CACNB4: variants seen among roughly 807,000 people sequenced by gnomAD.
The protein encoded by CACNB4 is calcium voltage-gated channel auxiliary subunit beta 4.
CACNB4 carries 32 observed loss-of-function variants against 71.2 expected under a neutral mutation model. The observed-to-expected ratio is 0.45, with a 90% CI of 0.34 to 0.60. The LOEUF is 0.60. CACNB4 is among the 20% of genes least tolerant of loss of function. The pLI is 0.01. For missense variants in CACNB4, 464 were observed against 647.9 expected (o/e 0.72, Z 3.08); for synonymous variants, 231 against 236.9 (o/e 0.97, Z 0.23).
chr2:152,064,555 ATTT>A (rs749723738), intron 2 of CACNB4, among the ~76,000 whole-genome samples: 3 of 151,764 alleles, frequency 2.0e-5, no homozygotes, highest in African/African-American at 7.3e-5. Flanking sequence ...TAATTTTTGT[ATTT>A]TTTTAGTAGA....
rs560319138 is a variant in CACNB4 at position 152,015,164 on chromosome 2, G to A, written c.147+83166C>T. 1.4e-4 allele frequency among the ~76,000 whole-genome samples: 21 copies of A among 151,576 alleles called. 1 individual carries two copies. Among genetic ancestry groups the A allele is most frequent in the Middle Eastern group, 6.8e-3 (2 of 294 alleles). ...TTTTTTTTTTTTGAGATGGAGTCTC[G>A]CTCTGTTGCCCAGGCTGGAGTGCAG... On this transcript the variant is annotated intron_variant, in intron 2 of 13. Coordinates refer to ENST00000539935, the MANE Select transcript of CACNB4 (RefSeq NM_000726.5).
chr2:151,964,059 C>T (rs1457968533), intron 2 of CACNB4, among the ~76,000 whole-genome samples: 1 of 110,806 alleles, frequency 9.0e-6, no homozygotes, highest in Non-Finnish European at 1.7e-5. Flanking sequence ...GAGCAAGACT[C>T]TGTCTCACAG....
intron 2 of CACNB4, chr2:151,972,167 G>T (rs1263684421): frequency 6.6e-6 from 1 of 152,460 alleles, no homozygotes; most frequent in South Asian, 2.1e-4. Flanking sequence ...CAAGGAGCTG[G>T]ATTTATTAGT....
intron 2 of CACNB4, among the ~76,000 whole-genome samples, chr2:151,921,347 C>T (rs903250021): frequency 5.9e-5 from 9 of 151,546 alleles, no homozygotes; most frequent in East Asian, 1.9e-4. Context: ...ACAACATGAA[C>T]GACAGCAGAT....
rs1273928298 is a variant in CACNB4, at chr2:151,836,519, A to T, written c.*2600T>A. On this transcript the variant is annotated 3_prime_UTR_variant, in exon 14 of 14. Transcript: ENST00000539935. ...CTTATTACAGAAAGAAGGGGAAAGA[A>T]TATTCCAAATTAAAGTAAACATTTA... The T allele has an allele frequency of 6.6e-6, 1 of 151,928 alleles. No individual in the cohort carries two copies. Among genetic ancestry groups the T allele is most frequent in the Non-Finnish European group, 1.5e-5 (1 of 67,800 alleles). 9.4% of individuals were successfully genotyped at this position (151,928 alleles called of 1,614,324 possible).
chr2:151,880,993 G>T (rs927648711), intron 3 of CACNB4, 71 bp from the exon 4 acceptor site: 2 of 1,427,420 alleles, frequency 1.4e-6, no homozygotes, highest in Non-Finnish European at 1.9e-6. Flanking sequence ...TTGAAACTCT[G>T]ATAGTACCAG....
At chr2:151,855,129 G>A (rs2099839950) in intron 11 of CACNB4, 95 bp downstream of exon 11, 1 of 723,880 alleles carries the variant, frequency 1.4e-6, no homozygotes, top group Non-Finnish European at 2.2e-6. Flanking sequence ...TAATCAGCAA[G>A]ACGTTCTCCT....
chr2:152,033,553 G>A (rs1684401632), intron 2 of CACNB4, among the ~76,000 whole-genome samples: 1 of 152,160 alleles, frequency 6.6e-6, no homozygotes, highest in Non-Finnish European at 1.5e-5. Context: ...GATTCACTGT[G>A]ATCTGGGTAA....
At chr2:151,972,660 T>C (rs1466754152) in intron 2 of CACNB4, 1 of 152,190 alleles carries the variant, frequency 6.6e-6, no homozygotes, top group Admixed American at 6.5e-5. Context: ...TCATTAGACA[T>C]ATACGTCTGC....
chr2:152,055,676 C>G (rs1305581170), intron 2 of CACNB4, among the ~76,000 whole-genome samples: 3 of 152,182 alleles, frequency 2.0e-5, no homozygotes, highest in Non-Finnish European at 4.4e-5. Context: ...GCTTCTGGAG[C>G]CTTTCAGAAT....
chr2:151,964,119 G>A (rs1205855120), intron 2 of CACNB4, among the ~76,000 whole-genome samples: 4 of 149,308 alleles, frequency 2.7e-5, no homozygotes, highest in Admixed American at 2.7e-4. Context: ...TTAACTGTAG[G>A]ACTGAAAAAT....
At chr2:151,880,635 C>G in intron 4 of CACNB4, 165 bp downstream of exon 4, 1 of 677,458 alleles carries the variant, frequency 1.5e-6, no homozygotes, top group Non-Finnish European at 2.5e-6. Context: ...TGATCTCAGA[C>G]TTCTCAATCT....
intron 2 of CACNB4, among the ~76,000 whole-genome samples, chr2:151,923,940 C>T (rs1479490484): frequency 1.3e-5 from 2 of 152,116 alleles, no homozygotes; most frequent in African/African-American, 4.8e-5. Context: ...AGTAATTCTC[C>T]ATGAGTTTCC....
chr2:152,099,003 G>A lies in CACNB4; in HGVS notation c.9C>T (p.Ser3=), dbSNP rs1424797818. ...CGGTCCCGTTCTTGGCGTAGGAGGA[G>A]GAGGACATCGTTCAGAGCCGCCGCA... is the stretch of plus-strand genomic sequence containing the variant. MS[S]SSYAKNGTAD... is the part of the protein sequence containing the mutation. The change falls in exon 1 of 14, where the codon TCC becomes TCT. Residue 3 remains serine (S), a synonymous_variant. Coordinates refer to ENST00000539935, the MANE Select transcript of CACNB4 (RefSeq NM_000726.5). The A allele has an allele frequency of 2.6e-6, 4 of 1,535,154 alleles. No individual in the cohort carries two copies. Among genetic ancestry groups the A allele is most frequent in the Middle Eastern group, 2.0e-4 (1 of 4,912 alleles).
intron 11 of CACNB4, 61 bp from the exon 12 acceptor site, chr2:151,853,604 C>T: frequency 1.1e-6 from 1 of 932,266 alleles, no homozygotes; most frequent in Non-Finnish European, 1.7e-6. Context: ...ATCAAATAAG[C>T]CAGGATCTTT....
chr2:151,899,132 G>A (rs1242520487), intron 2 of CACNB4, among the ~76,000 whole-genome samples: 1 of 152,244 alleles, frequency 6.6e-6, no homozygotes, highest in African/African-American at 2.4e-5. Context: ...GAGGAGAGAG[G>A]AGGCCCTTCT....
chr2:151,971,544 C>T (rs1246996722), intron 2 of CACNB4: 1 of 703,018 alleles, frequency 1.4e-6, no homozygotes, highest in South Asian at 1.5e-5. Flanking sequence ...CCCACACTTA[C>T]AGCCATAAAT....
intron 2 of CACNB4, among the ~76,000 whole-genome samples, chr2:151,915,784 T>C (rs1377593968): frequency 4.2e-5 from 6 of 142,108 alleles, no homozygotes; most frequent in African/African-American, 1.6e-4. Flanking sequence ...GAGGCAGAGG[T>C]TGCAGTGAGC....
intron 2 of CACNB4, among the ~76,000 whole-genome samples, chr2:151,924,073 C>CTTTTTTTTTTTTTTTTTTTTTTTTT (rs59036016): frequency 1.1e-5 from 1 of 91,418 alleles, no homozygotes; most frequent in Non-Finnish European, 1.9e-5. Context: ...ATTCTGAAAT[C>CTTTTTTTTTTTTTTTTTTTTTTTTT]TTTTTTTTTT....
Sources: gnomAD v4.1 joint callset for allele counts (sites outside exome capture counted in the v4.1 genomes callset) on GRCh38, gnomAD v4.1.1 for gene constraint, MANE v1.5 for transcripts, NCBI Gene and HGNC (gene_info 2026-07-23, HGNC 2026-07-21) for gene names.